The following SUPT3H variants were observed in gnomAD, a reference collection of about 807,000 sequenced individuals.
The protein encoded by SUPT3H is transcription initiation protein SPT3 homolog.
In SUPT3H, 44 loss-of-function variants were observed where a neutral mutation model predicts 44.3. The ratio of observed to expected loss-of-function variants is 0.99; its 90% CI spans 0.78 to 1.28. The LOEUF is 1.28. Among genes scored for constraint, SUPT3H ranks in the 50% most tolerant of loss-of-function variants. SUPT3H has a pLI of 0.00. For missense variants in SUPT3H, 380 were observed against 387.1 expected, an observed-to-expected ratio of 0.98 and a Z score of 0.15; for synonymous variants, 124 against 125.6, an observed-to-expected ratio of 0.99 and a Z score of 0.09.
chr6:45,297,711 T>A (rs1781514627), intron 2 of SUPT3H, among the ~76,000 whole-genome samples: 1 of 152,180 alleles, frequency 6.6e-6, no homozygotes, highest in African/African-American at 2.4e-5. Flanking sequence ...TGAAGTTCAG[T>A]AAGATACTTC....
intron 2 of SUPT3H, among the ~76,000 whole-genome samples, chr6:45,107,723 A>G (rs1222828480): frequency 1.3e-5 from 2 of 152,196 alleles, no homozygotes; most frequent in South Asian, 2.1e-4. Context: ...CATGGATGAC[A>G]TATCAAGGAC....
intron 2 of SUPT3H, among the ~76,000 whole-genome samples, chr6:45,128,194 A>G (rs1289787434): frequency 6.6e-6 from 1 of 152,062 alleles, no homozygotes; most frequent in Admixed American, 6.6e-5. Context: ...CTCACAAGCT[A>G]AAGTAAACTG....
intron 3 of SUPT3H, among the ~76,000 whole-genome samples, chr6:45,021,684 TTA>T (rs1785157716): frequency 6.6e-6 from 1 of 152,010 alleles, no homozygotes; most frequent in African/African-American, 2.4e-5. Flanking sequence ...TGACACACTA[TTA>T]TCTCAACAAA....
At chr6:44,814,371 A>C (rs482878) in intron 11 of SUPT3H, among the ~76,000 whole-genome samples, 3,103 of 152,294 alleles carry the variant, frequency 0.02, 42 homozygotes, top group Non-Finnish European at 0.033. Context: ...CAGGGTGCCC[A>C]GCAGAGGAGC....
In SUPT3H at chr6:45,106,004, T is replaced by C. The variant is rs1583568106; in HGVS notation, c.104A>G (p.Tyr35Cys). The change falls in exon 3 of 11, where the codon TAT becomes TGT. Residue 35 changes from tyrosine (Y) to cysteine (C), a missense_variant and splice_region_variant. By Grantham distance (194) the Tyr-to-Cys change is radical. Transcript: ENST00000371459. ...AGGCCTTCTAGCATCACCTAAAGAA[T>C]ACCTGCAAAATAATTTTAAACACAC... ...SFATELQSMM[Y>C]SLGDARRPLH... The C allele has an allele frequency of 1.2e-6, 2 of 1,612,928 alleles. No individual in the cohort carries two copies. Among genetic ancestry groups the C allele is most frequent in the East Asian group, 2.2e-5 (1 of 44,812 alleles).
chr6:45,362,513 T>C (rs1042799692), intron 2 of SUPT3H, among the ~76,000 whole-genome samples: 1 of 152,194 alleles, frequency 6.6e-6, no homozygotes, highest in African/African-American at 2.4e-5. Context: ...ATATTGAGTC[T>C]AATTTTATAC....
intron 6 of SUPT3H, among the ~76,000 whole-genome samples, chr6:44,988,580 G>C (rs565255207): frequency 1.5e-5 from 2 of 135,666 alleles, no homozygotes; most frequent in East Asian, 4.3e-4. Flanking sequence ...TAAGATGAAA[G>C]TTTACAACAC....
chr6:44,946,482 C>A (rs888014724), intron 9 of SUPT3H, among the ~76,000 whole-genome samples: 1 of 152,154 alleles, frequency 6.6e-6, no homozygotes, highest in East Asian at 1.9e-4. Context: ...GTCAAAATAT[C>A]AACATTTACA....
chr6:44,832,466 C>G (rs1404822438), intron 10 of SUPT3H, among the ~76,000 whole-genome samples: 1 of 152,106 alleles, frequency 6.6e-6, no homozygotes, highest in Non-Finnish European at 1.5e-5. Context: ...AAAATTATAG[C>G]TTAATCAATA....
At chr6:45,335,056 T>C (rs1788281314) in intron 2 of SUPT3H, among the ~76,000 whole-genome samples, 1 of 151,314 alleles carries the variant, frequency 6.6e-6, no homozygotes, top group Non-Finnish European at 1.5e-5. Flanking sequence ...TATTTATAAA[T>C]ATTATCTCAA....
intron 9 of SUPT3H, among the ~76,000 whole-genome samples, chr6:44,936,395 G>A (rs1438718909): frequency 1.3e-5 from 2 of 152,094 alleles, no homozygotes; most frequent in Middle Eastern, 6.3e-3. Context: ...TATGTTACAT[G>A]CATAGATTAG....
intron 2 of SUPT3H, among the ~76,000 whole-genome samples, chr6:45,320,720 T>A (rs1785356173): frequency 6.6e-6 from 1 of 152,218 alleles, no homozygotes; most frequent in African/African-American, 2.4e-5. Flanking sequence ...AAATATTTAC[T>A]ACCTGGCCTT....
At chr6:45,295,561 A>C (rs540220053) in intron 2 of SUPT3H, among the ~76,000 whole-genome samples, 1 of 148,136 alleles carries the variant, frequency 6.8e-6, no homozygotes, top group Non-Finnish European at 1.5e-5. Flanking sequence ...AAAACAGCAG[A>C]GTCAACAGAC....
chr6:45,334,698 T>C (rs769860822), intron 2 of SUPT3H, among the ~76,000 whole-genome samples: 1 of 151,194 alleles, frequency 6.6e-6, no homozygotes, highest in Admixed American at 6.6e-5. Flanking sequence ...CATATACACA[T>C]GCATGAGTGT....
intron 7 of SUPT3H, 101 bp from the exon 8 acceptor site, chr6:44,954,708 A>G (rs745529046): frequency 1.4e-5 from 10 of 696,154 alleles, no homozygotes; most frequent in Non-Finnish European, 2.5e-5. Context: ...TCAGAATTGT[A>G]CACAAAAAAT....
chr6:45,003,897 A>G, intron 5 of SUPT3H, 105 bp from the exon 6 acceptor site: 1 of 1,239,538 alleles, frequency 8.1e-7, no homozygotes, highest in Non-Finnish European at 1.1e-6. Context: ...CAGAATTGGG[A>G]TTCTCTGAAA....
chr6:45,132,510 T>C (rs1048432071), intron 2 of SUPT3H, among the ~76,000 whole-genome samples: 1 of 152,200 alleles, frequency 6.6e-6, no homozygotes, highest in African/African-American at 2.4e-5. Context: ...CTTTGACCAC[T>C]AGACCTTTCC....
At chr6:45,330,711 T>C (rs755317996) in intron 2 of SUPT3H, among the ~76,000 whole-genome samples, 15 of 151,924 alleles carry the variant, frequency 9.9e-5, no homozygotes, top group Non-Finnish European at 2.1e-4. Context: ...CAAGGCATGG[T>C]AGTGAACCTT....
chr6:45,375,677 G>A (rs1796677881), intron 1 of SUPT3H, among the ~76,000 whole-genome samples: 1 of 152,076 alleles, frequency 6.6e-6, no homozygotes, highest in South Asian at 2.1e-4. Context: ...CCAAAGTGCT[G>A]GGATTACAAG....
Sources: gnomAD v4.1 joint callset for allele counts (sites outside exome capture counted in the v4.1 genomes callset) on GRCh38, gnomAD v4.1.1 for gene constraint, MANE v1.5 for transcripts, NCBI Gene and HGNC (gene_info 2026-07-23, HGNC 2026-07-21) for gene names.